The following SENP5 variants were observed in gnomAD, a reference collection of about 807,000 sequenced individuals.
SENP5 encodes sentrin-specific protease 5.
SENP5 carries 21 observed loss-of-function variants against 74.2 expected under a neutral mutation model. That is an observed-to-expected ratio of 0.28 (90% CI 0.20 to 0.41). The LOEUF (loss-of-function observed/expected upper bound fraction) is 0.41, where lower values mean the gene tolerates loss of function less well. Among genes scored for constraint, SENP5 ranks in the 10% least tolerant of loss-of-function variants. The pLI, the probability that SENP5 is intolerant of heterozygous loss-of-function variation, is 1.00. For synonymous variants in SENP5, 311 were observed against 312.7 expected (o/e 0.99, Z 0.06); for missense variants, 717 against 889.1 (o/e 0.81, Z 2.46).
Position 196,885,748 on chromosome 3 carries a change from C to T in SENP5, c.567C>T (p.Asn189=), listed in dbSNP as rs774863720. The T allele has an allele frequency of 7.4e-5, 120 of 1,614,054 alleles. No homozygotes were observed. The highest frequency in any genetic ancestry group is 9.7e-5 in the Non-Finnish European group (114 of 1,180,058). The change falls in exon 2 of 10, where the codon AAC becomes AAT. Residue 189 remains asparagine, a synonymous_variant. Coordinates refer to ENST00000323460, the MANE Select transcript of SENP5 (RefSeq NM_152699.5). ...GCACGATTGTGGTCACCTTGAACAA[C>T]CATAAGAGAAAGGGCTTTTGTTACG... ...ESGTIVVTLN[N]HKRKGFCYGC...
chr3:196,926,883 A>C (rs1715834215), intron 7 of SENP5, among the ~76,000 whole-genome samples: 2 of 151,902 alleles, frequency 1.3e-5, no homozygotes, highest in African/African-American at 4.8e-5. Context: ...ACCTCATGTG[A>C]TCCACCTGCC....
chr3:196,914,890 C>T (rs1295482852), intron 6 of SENP5, among the ~76,000 whole-genome samples: 1 of 151,992 alleles, frequency 6.6e-6, no homozygotes, highest in African/African-American at 2.4e-5. Context: ...CTTCCCTATC[C>T]CCTGGCAGTG....
chr3:196,912,060 C>T (rs976376630), intron 6 of SENP5, among the ~76,000 whole-genome samples: 1 of 152,048 alleles, frequency 6.6e-6, no homozygotes, highest in East Asian at 1.9e-4. Context: ...ATCATTTGAC[C>T]CAGCAGTCCT....
chr3:196,930,659 G>C (rs1716001532), intron 9 of SENP5, among the ~76,000 whole-genome samples, 154 bp from the exon 10 acceptor site: 1 of 152,134 alleles, frequency 6.6e-6, no homozygotes. Context: ...CCAAGTCTGT[G>C]GAAAAATTGC....
chr3:196,878,311 C>T (rs1228425482), intron 1 of SENP5, among the ~76,000 whole-genome samples: 1 of 152,182 alleles, frequency 6.6e-6, no homozygotes, highest in Non-Finnish European at 1.5e-5. Context: ...CTCCTGACCT[C>T]CCTTTCTTCT....
intron 6 of SENP5, among the ~76,000 whole-genome samples, chr3:196,922,696 G>A (rs1278032107): frequency 2.0e-5 from 3 of 152,078 alleles, no homozygotes; most frequent in African/African-American, 7.2e-5. Flanking sequence ...TCTCTGCTCA[G>A]TGCAACCTCC....
chr3:196,907,187 C>T lies in SENP5; in HGVS notation c.1884+3577C>T, dbSNP rs113306768. On this transcript the variant is annotated intron_variant, in intron 6 of 9. Coordinates refer to ENST00000323460, the MANE Select transcript of SENP5 (RefSeq NM_152699.5). Reference sequence around the variant, plus strand: ...CAGGAAAAGCTGTGTAGATAATGAACGATGGGCCGGGCACAGTGGCTCACA... The same window carrying T: ...CAGGAAAAGCTGTGTAGATAATGAATGATGGGCCGGGCACAGTGGCTCACA... 5.4e-3 allele frequency among the ~76,000 whole-genome samples: 813 copies of T among 151,840 alleles called. 4 individuals are homozygous for T. Among genetic ancestry groups the T allele is most frequent in the African/African-American group, 0.019 (774 of 41,388 alleles).
intron 6 of SENP5, among the ~76,000 whole-genome samples, chr3:196,919,521 C>G (rs558038517): frequency 6.6e-6 from 1 of 152,078 alleles, no homozygotes; most frequent in Non-Finnish European, 1.5e-5. Flanking sequence ...CAACCAGGGG[C>G]GGTGGCTCAC....
intron 4 of SENP5, 80 bp from the exon 5 acceptor site, chr3:196,900,285 T>C: frequency 7.3e-7 from 1 of 1,364,684 alleles, no homozygotes. Flanking sequence ...AGTAGCCTGG[T>C]TTTATTTATT....
chr3:196,894,432 AT>A (rs1374149405), intron 2 of SENP5, among the ~76,000 whole-genome samples: 1 of 151,672 alleles, frequency 6.6e-6, no homozygotes, highest in Admixed American at 6.6e-5. Context: ...CTAATGTGTT[AT>A]TTTTAATTTA....
At chr3:196,888,898 T>G (rs577235554) in intron 2 of SENP5, among the ~76,000 whole-genome samples, 86 of 152,066 alleles carry the variant, frequency 5.7e-4, no homozygotes, top group Non-Finnish European at 7.4e-4. Context: ...GGGCGGATCA[T>G]GAGGTCAGGA....
At position 196,884,663 on chromosome 3, in the gene SENP5, AGTTTTTTTTT is replaced by A. The variant is rs959648585; in HGVS notation, c.-31-477_-31-468del. Among the ~76,000 whole-genome samples, 8 of 142,340 alleles carry A rather than the reference AGTTTTTTTTT, an allele frequency of 5.6e-5. 1 individual carries two copies. Among genetic ancestry groups the A allele is most frequent in the African/African-American group, 1.7e-4 (6 of 36,128 alleles). The allele number at this position is 142,340 out of a possible 152,430, so 93.4% of individuals were successfully genotyped here. ...AAATCACACTGAGGTTACAGAAATCAGTTTTTTTTTGTTTTTTTTTTTTTTGAGATGGAGT... is the reference window on the plus strand; with the variant it reads ...AAATCACACTGAGGTTACAGAAATCAGTTTTTTTTTTTTTTGAGATGGAGT... On this transcript the variant is annotated intron_variant, in intron 1 of 9. Transcript: ENST00000323460.
At chr3:196,926,676 T>G (rs2108866318) in intron 7 of SENP5, among the ~76,000 whole-genome samples, 1 of 147,716 alleles carries the variant, frequency 6.8e-6, no homozygotes, top group Admixed American at 6.8e-5. Context: ...TCTCACTCTG[T>G]CCCCTGGGTT....
In SENP5 at chr3:196,886,208, G is replaced by A; in HGVS notation, c.1027G>A (p.Ala343Thr). ...FLGKELSLDE[A>T]FPDQQNGSAT... ...GGGCAAGGAGCTTAGTTTAGACGAAGCATTCCCTGACCAACAGAATGGCAG... is the reference window on the plus strand; with the variant it reads ...GGGCAAGGAGCTTAGTTTAGACGAAACATTCCCTGACCAACAGAATGGCAG... Residue 343 changes from alanine to threonine, a missense_variant, in exon 2 of 10, where the codon GCA (alanine) becomes ACA (threonine). By Grantham distance (58) the Ala-to-Thr change is moderately conservative. Around this residue, in one of 4 missense-constraint regions of SENP5, gnomAD observed 567 missense variants for 577.4 expected, o/e 0.98. Coordinates refer to ENST00000323460, the MANE Select transcript of SENP5 (RefSeq NM_152699.5). 1 of 1,614,198 alleles carries A rather than the reference G, an allele frequency of 6.2e-7. No individual in the cohort carries two copies. The highest frequency in any genetic ancestry group is 8.5e-7 in the Non-Finnish European group (1 of 1,180,030).
chr3:196,905,672 C>T (rs1714873464), intron 6 of SENP5, among the ~76,000 whole-genome samples: 1 of 152,122 alleles, frequency 6.6e-6, no homozygotes, highest in South Asian at 2.1e-4. Flanking sequence ...CTAGGACCTC[C>T]ACAGGCACAT....
At chr3:196,896,385 A>G (rs527738861) in intron 2 of SENP5, among the ~76,000 whole-genome samples, 9 of 152,304 alleles carry the variant, frequency 5.9e-5, no homozygotes, top group African/African-American at 2.2e-4. Flanking sequence ...GTTCTACCAT[A>G]TGCTAGTTAA....
chr3:196,883,506 A>G (rs992293445), intron 1 of SENP5, among the ~76,000 whole-genome samples: 8 of 152,166 alleles, frequency 5.3e-5, no homozygotes, highest in African/African-American at 1.9e-4. Context: ...ATCCTGGGTC[A>G]TCCTCCTCAG....
Position 196,886,457 on chromosome 3 carries a change from G to T in SENP5, c.1276G>T (p.Asp426Tyr), listed in dbSNP as rs748838932. The T allele has an allele frequency of 1.2e-6, 2 of 1,610,504 alleles. No homozygotes were observed. Among genetic ancestry groups the T allele is most frequent in the Non-Finnish European group, 1.7e-6 (2 of 1,178,060 alleles). The change falls in exon 2 of 10, where the codon GAT becomes TAT. Residue 426 changes from aspartate (D) to tyrosine (Y), a missense_variant. Coordinates refer to ENST00000323460, the MANE Select transcript of SENP5 (RefSeq NM_152699.5). ...SGADTSVSSVDGPVSQKAVQN... is the reference protein window; with the variant it reads ...SGADTSVSSVYGPVSQKAVQN... ...AGCAGATACATCTGTGAGTAGCGTA[G>T]ATGGGCCTGTGTCCCAAAAGGCTGT...
Position 196,886,127 on chromosome 3 carries a change from G to C in SENP5, c.946G>C (p.Val316Leu). Residue 316 changes from valine (V) to leucine (L), a missense_variant, in exon 2 of 10, where the codon GTG (valine) becomes CTG (leucine). This residue lies in a region of SENP5 where 567 missense variants were observed against 577.4 expected (regional missense o/e 0.98). Coordinates refer to ENST00000323460, the MANE Select transcript of SENP5 (RefSeq NM_152699.5). The part of the protein sequence containing the change: ...YFPDMDSSAV[V>L]KGTNSHVPDC... ...TCCAGATATGGACAGCAGTGCTGTG[G>C]TGAAGGGGACGAACTCTCATGTGCC... 6.2e-7 allele frequency: 1 copy of C among 1,614,220 alleles called. No homozygotes were observed. The highest frequency in any genetic ancestry group is 1.1e-5 in the South Asian group (1 of 91,088).
Sources: allele counts gnomAD v4.1 joint callset (sites outside exome capture counted in the v4.1 genomes callset), GRCh38; gene constraint gnomAD v4.1.1; regional missense constraint gnomAD v4.1.1; transcripts MANE v1.5; gene names NCBI Gene and HGNC (gene_info 2026-07-23, HGNC 2026-07-21).